PCDH11X: variants seen among roughly 807,000 people sequenced by gnomAD.
PCDH11X encodes the protein protocadherin 11 X-linked.
Under a neutral mutation model 53.3 loss-of-function variants are expected in PCDH11X, and 18 were observed. The observed-to-expected ratio is 0.34, with a 90% CI of 0.23 to 0.50. The LOEUF is 0.50. PCDH11X is among the 20% of genes least tolerant of loss of function. The pLI, the probability that PCDH11X is intolerant of heterozygous loss-of-function variation, is 0.98. For synonymous variants in PCDH11X, 279 were observed against 393.3 expected (o/e 0.71, Z 3.44); for missense variants, 570 against 1,032.4 (o/e 0.55, Z 6.14).
At chrX:92,518,522 A>G (rs888053265) in intron 10 of PCDH11X, among the ~76,000 whole-genome samples, 2 of 111,635 alleles carry the variant, frequency 1.8e-5, no homozygotes, top group Non-Finnish European at 3.8e-5. Context: ...TGTAACGATT[A>G]AAAGGAGCCA....
intron 9 of PCDH11X, among the ~76,000 whole-genome samples, chrX:92,429,755 G>A (rs2072208465): frequency 9.9e-6 from 1 of 100,946 alleles, no homozygotes; most frequent in Non-Finnish European, 2.0e-5. Flanking sequence ...GTTGAGAATT[G>A]CTGCCTAGTG....
intron 6 of PCDH11X, among the ~76,000 whole-genome samples, chrX:91,974,849 C>A (rs2525326): frequency 9.1e-6 from 1 of 109,925 alleles, no homozygotes; most frequent in African/African-American, 3.3e-5. Flanking sequence ...ACCTCCCGGG[C>A]TCAATTGATT....
chrX:91,958,817 A>G (rs1191063605), intron 6 of PCDH11X, among the ~76,000 whole-genome samples: 1 of 108,629 alleles, frequency 9.2e-6, no homozygotes, highest in African/African-American at 3.4e-5. Flanking sequence ...TTTAAAATAC[A>G]CCTTTGTAAA....
intron 6 of PCDH11X, among the ~76,000 whole-genome samples, chrX:92,062,729 T>C (rs34768138): frequency 8.9e-6 from 1 of 111,734 alleles, no homozygotes; most frequent in Non-Finnish European, 1.9e-5. Context: ...GAAATAGGAA[T>C]GCTTTTATAC....
chrX:91,808,954 G>T (rs1016827874), intron 1 of PCDH11X, among the ~76,000 whole-genome samples: 1 of 107,061 alleles, frequency 9.3e-6, no homozygotes, highest in African/African-American at 3.5e-5. Flanking sequence ...AACGTATAAG[G>T]TTTGTTTAAT....
intron 10 of PCDH11X, among the ~76,000 whole-genome samples, chrX:92,509,175 C>G (rs1359550758): frequency 2.1e-4 from 22 of 106,717 alleles, no homozygotes; most frequent in Non-Finnish European, 4.1e-4. Context: ...TGCTCTGTCA[C>G]ATACCATCAA....
At chrX:91,824,460 A>G (rs1425539794) in intron 4 of PCDH11X, among the ~76,000 whole-genome samples, 1 of 110,819 alleles carries the variant, frequency 9.0e-6, no homozygotes, top group Non-Finnish European at 1.9e-5. Context: ...CTTCCAGTTG[A>G]TCGCATCGGC....
chrX:92,412,559 A>G (rs1481042074), intron 9 of PCDH11X, among the ~76,000 whole-genome samples: 3 of 96,473 alleles, frequency 3.1e-5, no homozygotes, highest in Non-Finnish European at 6.3e-5. Context: ...ATATATAGAT[A>G]AAGAGGTAGA....
intron 9 of PCDH11X, among the ~76,000 whole-genome samples, chrX:92,395,419 A>T (rs944224889): frequency 1.8e-5 from 2 of 111,207 alleles, no homozygotes; most frequent in African/African-American, 6.5e-5. Flanking sequence ...CATTGTAGAT[A>T]ATTTGTTTTA....
chrX:91,972,730 C>G (rs1214193101), intron 6 of PCDH11X, among the ~76,000 whole-genome samples: 4 of 108,594 alleles, frequency 3.7e-5, no homozygotes, highest in Non-Finnish European at 5.7e-5. Flanking sequence ...GCTTGTTTTT[C>G]TCAGGTTTGT....
At chrX:91,829,413 T>C (rs866460822) in intron 4 of PCDH11X, among the ~76,000 whole-genome samples, 1 of 81,201 alleles carries the variant, frequency 1.2e-5, no homozygotes. Flanking sequence ...ATATATATAT[T>C]ACACACACAC....
chrX:92,342,570 G>A (rs758255690), intron 8 of PCDH11X, among the ~76,000 whole-genome samples: 49 of 111,824 alleles, frequency 4.4e-4, no homozygotes, highest in Admixed American at 2.9e-4. Context: ...AATGCATTTC[G>A]AGGCCATTTT....
chrX:92,420,846 G>A lies in PCDH11X; in HGVS notation c.3343+32913G>A, dbSNP rs1056102066. On this transcript the variant is annotated intron_variant, in intron 9 of 10. Transcript: ENST00000682573. ...GTAATTTTGTTTCTCATCAAATCTG[G>A]AAGTTTTTGGTCCTAATTTCTTCAC... is the stretch of plus-strand genomic sequence containing the variant. Among the ~76,000 whole-genome samples, 71 of 111,040 alleles carry A rather than the reference G, an allele frequency of 6.4e-4. 1 individual carries two copies. Among genetic ancestry groups the A allele is most frequent in the African/African-American group, 2.2e-3 (68 of 30,444 alleles).
At chrX:91,791,375 G>A (rs1321701304) in intron 1 of PCDH11X, among the ~76,000 whole-genome samples, 1 of 110,888 alleles carries the variant, frequency 9.0e-6, no homozygotes, top group African/African-American at 3.3e-5. Flanking sequence ...ATGGCAGAAG[G>A]CTAAGAGGAA....
At chrX:92,065,806 G>A (rs1462523258) in intron 6 of PCDH11X, among the ~76,000 whole-genome samples, 1 of 106,919 alleles carries the variant, frequency 9.4e-6, no homozygotes, top group African/African-American at 3.4e-5. Context: ...CCTTTCTCTG[G>A]GCTGTCTCCT....
intron 8 of PCDH11X, among the ~76,000 whole-genome samples, chrX:92,366,440 G>A (rs779569696): frequency 6.4e-5 from 7 of 109,996 alleles, no homozygotes; most frequent in Non-Finnish European, 1.1e-4. Context: ...TCATAAAACC[G>A]GTTCCTGGAT....
intron 6 of PCDH11X, among the ~76,000 whole-genome samples, chrX:92,112,085 G>A (rs2064527512): frequency 1.0e-5 from 1 of 95,390 alleles, no homozygotes; most frequent in East Asian, 3.4e-4. Context: ...AAACTGCACT[G>A]ATTATCACAC....
chrX:92,085,481 CAAAAA>C (rs60792159), intron 6 of PCDH11X, among the ~76,000 whole-genome samples: 1 of 68,586 alleles, frequency 1.5e-5, no homozygotes. Context: ...AATTTGGTTG[CAAAAA>C]AAAAAAAAAA....
intron 9 of PCDH11X, among the ~76,000 whole-genome samples, chrX:92,446,386 T>C (rs1315937364): frequency 9.0e-6 from 1 of 111,207 alleles, no homozygotes; most frequent in East Asian, 2.8e-4. Context: ...TTGAATTTAA[T>C]GCCCATAATT....
Sources: gnomAD v4.1 joint callset for allele counts (sites outside exome capture counted in the v4.1 genomes callset) on GRCh38, gnomAD v4.1.1 for gene constraint, MANE v1.5 for transcripts, NCBI Gene and HGNC (gene_info 2026-07-23, HGNC 2026-07-21) for gene names.